Variants in WDPCP observed in about 807,000 individuals in gnomAD.
WDPCP encodes WD repeat containing planar cell polarity effector.
A neutral mutation model predicts 93.1 loss-of-function variants in WDPCP; 71 were observed. That is an observed-to-expected ratio of 0.76 (90% CI 0.63 to 0.93). The LOEUF (loss-of-function observed/expected upper bound fraction) is 0.93. Among genes scored for constraint, WDPCP ranks in the 40% least tolerant of loss-of-function variants. The pLI is 0.00. For synonymous variants in WDPCP, 315 were observed against 315.0 expected, an observed-to-expected ratio of 1.00 and a Z score of 0.00; for missense variants, 844 against 887.4, an observed-to-expected ratio of 0.95 and a Z score of 0.62.
intron 12 of WDPCP, among the ~76,000 whole-genome samples, chr2:63,343,451 A>G (rs1338772485): frequency 6.6e-6 from 1 of 152,202 alleles, no homozygotes; most frequent in Non-Finnish European, 1.5e-5. Flanking sequence ...TCTACATGAC[A>G]AAATACTTCT....
At chr2:63,554,666 A>G (rs1282527607) in intron 1 of WDPCP, among the ~76,000 whole-genome samples, 2 of 151,242 alleles carry the variant, frequency 1.3e-5, no homozygotes, top group African/African-American at 4.9e-5. Context: ...AAAAAAAAAG[A>G]TTAATAAATA....
At chr2:63,474,566 A>T (rs879727553) in intron 6 of WDPCP, among the ~76,000 whole-genome samples, 4 of 152,136 alleles carry the variant, frequency 2.6e-5, no homozygotes, top group Admixed American at 2.6e-4. Context: ...CCTGAGTGGA[A>T]AAAGTAGTAT....
chr2:63,159,669 A>C (rs920699078), intron 15 of WDPCP, among the ~76,000 whole-genome samples: 2 of 152,178 alleles, frequency 1.3e-5, no homozygotes, highest in Admixed American at 1.3e-4. Flanking sequence ...GAGCTATGGT[A>C]TGTCAGTTTA....
In WDPCP at chr2:63,151,642, G is replaced by A. The variant is rs562541964; in HGVS notation, c.2190+1272C>T. Among the ~76,000 whole-genome samples, 8 of 152,282 alleles carry A rather than the reference G, an allele frequency of 5.3e-5. No individual in the cohort carries two copies. The South Asian group carries it at 1.7e-3, about 32-fold the overall frequency. ...GCAAATTAAACAAATTCTTAGGCAT[G>A]TATATTCAACTGTAATATGGCGTAT... On this transcript the variant is annotated intron_variant, in intron 17 of 17. Coordinates refer to ENST00000272321, the MANE Select transcript of WDPCP (RefSeq NM_015910.7).
intron 8 of WDPCP, among the ~76,000 whole-genome samples, chr2:63,437,182 C>T (rs564227409): frequency 1.9e-4 from 29 of 152,060 alleles, no homozygotes; most frequent in African/African-American, 7.0e-4. Context: ...TCTTTGATGT[C>T]TATAAATACT....
At chr2:63,260,358 C>G (rs1189391919) in intron 13 of WDPCP, among the ~76,000 whole-genome samples, 1 of 151,914 alleles carries the variant, frequency 6.6e-6, no homozygotes, top group Non-Finnish European at 1.5e-5. Flanking sequence ...TATGAACAAC[C>G]AGTTTACAGT....
At chr2:63,500,454 G>GTGTGGGTGTGTGTGT (rs1553412903) in intron 1 of WDPCP, among the ~76,000 whole-genome samples, 3 of 149,474 alleles carry the variant, frequency 2.0e-5, no homozygotes, top group African/African-American at 7.4e-5. Flanking sequence ...ATGGTGTGGG[G>GTGTGGGTGTGTGTGT]GTGTGTGTGT....
intron 14 of WDPCP, chr2:63,232,731 T>C (rs1412435987): frequency 6.5e-6 from 1 of 153,220 alleles, no homozygotes; most frequent in African/African-American, 2.4e-5. Context: ...AGCTTAACCT[T>C]TTTCATATCC....
chr2:63,231,106 T>G (rs1358154762), intron 14 of WDPCP, among the ~76,000 whole-genome samples: 2 of 152,124 alleles, frequency 1.3e-5, no homozygotes, highest in Non-Finnish European at 2.9e-5. Context: ...TGCAAATCAA[T>G]AAACGTAATC....
At chr2:63,462,379 T>C (rs898799010) in intron 6 of WDPCP, among the ~76,000 whole-genome samples, 3 of 152,064 alleles carry the variant, frequency 2.0e-5, no homozygotes, top group Non-Finnish European at 4.4e-5. Context: ...GGGATAGCAT[T>C]AGGAGATATA....
At chr2:63,157,515 T>A (rs1574753864) in intron 15 of WDPCP, among the ~76,000 whole-genome samples, 2 of 152,192 alleles carry the variant, frequency 1.3e-5, no homozygotes, top group African/African-American at 4.8e-5. Flanking sequence ...GACCTGGAGA[T>A]CTCTTTTACA....
intron 12 of WDPCP, among the ~76,000 whole-genome samples, chr2:63,335,837 T>C (rs983005975): frequency 1.3e-5 from 2 of 152,116 alleles, no homozygotes; most frequent in African/African-American, 2.4e-5. Flanking sequence ...TAGCACAAAA[T>C]ACAGGTCATA....
chr2:63,344,402 A>G (rs1006955866), intron 12 of WDPCP, among the ~76,000 whole-genome samples: 1 of 152,182 alleles, frequency 6.6e-6, no homozygotes, highest in Admixed American at 6.5e-5. Flanking sequence ...GCTGCCTGAC[A>G]TTCTGCCTTA....
At chr2:63,466,380 A>G (rs1050858032) in intron 6 of WDPCP, among the ~76,000 whole-genome samples, 3 of 152,106 alleles carry the variant, frequency 2.0e-5, no homozygotes, top group East Asian at 1.9e-4. Flanking sequence ...TGTTTTCTCT[A>G]TTAGTTACAT....
intron 10 of WDPCP, among the ~76,000 whole-genome samples, chr2:63,402,433 G>A (rs1168775490): frequency 6.6e-6 from 1 of 151,998 alleles, no homozygotes; most frequent in South Asian, 2.1e-4. Flanking sequence ...GTATACCTAC[G>A]TAACAAACTT....
chr2:63,199,533 A>G (rs894513578), intron 14 of WDPCP, among the ~76,000 whole-genome samples: 2 of 152,206 alleles, frequency 1.3e-5, no homozygotes, highest in African/African-American at 4.8e-5. Flanking sequence ...TTGCTTCAGA[A>G]GAGTACAAGC....
intron 2 of WDPCP, among the ~76,000 whole-genome samples, chr2:63,764,560 G>A (rs1489024128): frequency 2.6e-5 from 4 of 152,158 alleles, no homozygotes; most frequent in Non-Finnish European, 5.9e-5. Flanking sequence ...GCAAAGAGTA[G>A]ATATGGTAAG....
chr2:63,169,837 A>G (rs901079886), intron 15 of WDPCP, among the ~76,000 whole-genome samples: 5 of 149,778 alleles, frequency 3.3e-5, no homozygotes, highest in Non-Finnish European at 5.9e-5. Flanking sequence ...GTACCCTGTA[A>G]CTTATTTTTC....
chr2:63,323,081 G>A (rs1008450733), intron 12 of WDPCP, among the ~76,000 whole-genome samples: 1 of 152,214 alleles, frequency 6.6e-6, no homozygotes, highest in Non-Finnish European at 1.5e-5. Flanking sequence ...CGACAGAGAG[G>A]AAAGCCATTC....
Sources: gnomAD v4.1 joint callset for allele counts (sites outside exome capture counted in the v4.1 genomes callset) on GRCh38, gnomAD v4.1.1 for gene constraint, MANE v1.5 for transcripts, NCBI Gene and HGNC (gene_info 2026-07-23, HGNC 2026-07-21) for gene names.